The following NAGPA variants were observed in gnomAD, a reference collection of about 807,000 sequenced individuals.
The protein encoded by NAGPA is N-acetylglucosamine-1-phosphodiester alpha-N-acetylglucosaminidase.
A neutral mutation model predicts 48.5 loss-of-function variants in NAGPA; 56 were observed. The ratio of observed to expected loss-of-function variants is 1.15; its 90% CI spans 0.93 to 1.44. The LOEUF is 1.44. Among genes scored for constraint, NAGPA ranks in the 40% most tolerant of loss-of-function variants. NAGPA has a pLI of 0.00. For missense variants in NAGPA, 888 were observed against 735.0 expected (o/e 1.21, Z -2.41); for synonymous variants, 399 against 315.5 (o/e 1.26, Z -2.81).
intron 2 of NAGPA, chr16:5,032,976 A>G (rs1015066343): frequency 1.9e-6 from 1 of 531,026 alleles, no homozygotes; most frequent in African/African-American, 1.9e-5. Context: ...ATCAGAATGT[A>G]TGTTAGCTAT....
At position 5,031,882 on chromosome 16, in the gene NAGPA, T is replaced by C; in HGVS notation, c.545A>G (p.Tyr182Cys). Residue 182 changes from tyrosine (Y) to cysteine (C), a missense_variant and splice_region_variant, in exon 3 of 10, where the codon TAC becomes TGC. Tyr to Cys is a radical substitution (Grantham distance 194). Transcript: ENST00000312251. ...GTCCAGCACCTCCTCCTCAGACAGG[T>C]ACCTGGATCCGGGGAAGGTGGGAAG... Reference protein sequence around the residue: ...IRRDGTLVTGYLSEEEVLDTE... With the variant: ...IRRDGTLVTGCLSEEEVLDTE... 1 of 1,614,038 alleles carries C rather than the reference T, an allele frequency of 6.2e-7. No individual in the cohort carries two copies. The highest frequency in any genetic ancestry group is 8.5e-7 in the Non-Finnish European group (1 of 1,179,976).
At chr16:5,030,886 C>T in intron 3 of NAGPA, 2 of 311,288 alleles carry the variant, frequency 6.4e-6, no homozygotes, top group Non-Finnish European at 1.2e-5. Flanking sequence ...TAGCTTGCTC[C>T]TTTGTCAGAT....
Position 5,028,397 on chromosome 16 carries a change from G to T in NAGPA, c.921-212C>A, listed in dbSNP as rs1453355375. Reference sequence around the variant, plus strand: ...CCGTAAGGTGTGCACCATCACGCCTGCCTAATTTTTTTTTATTTTTTCATA... The same window carrying T: ...CCGTAAGGTGTGCACCATCACGCCTTCCTAATTTTTTTTTATTTTTTCATA... On this transcript the variant is annotated intron_variant, in intron 5 of 9. Transcript: ENST00000312251. 5 of 966,674 alleles carry T rather than the reference G, an allele frequency of 5.2e-6. No individual in the cohort carries two copies. In the South Asian group the frequency reaches 5.6e-5, roughly 11 times the overall value. 59.9% of individuals were successfully genotyped at this position (966,674 alleles called of 1,614,324 possible).
chr16:5,030,334 C>T lies in NAGPA; in HGVS notation c.791+51G>A, dbSNP rs1180450369. 4 of 1,501,336 alleles carry T rather than the reference C, an allele frequency of 2.7e-6. No homozygotes were observed. In the Admixed American group the frequency reaches 5.9e-5, roughly 22 times the overall value. The allele number at this position is 1,501,336 out of a possible 1,614,324, so 93.0% of individuals were successfully genotyped here. ...GGTGGCTGTCATTGGGTCAACGTTC[C>T]TCCTAGCAGGACTGAGCCCCGGCCG... is the stretch of plus-strand genomic sequence containing the variant. On this transcript the variant is annotated intron_variant, in intron 4 of 9. Coordinates refer to ENST00000312251, the MANE Select transcript of NAGPA (RefSeq NM_016256.4).
At chr16:5,029,220 T>A in intron 4 of NAGPA, 2 of 767,448 alleles carry the variant, frequency 2.6e-6, no homozygotes, top group Non-Finnish European at 4.2e-6. Flanking sequence ...TAGGAATCCT[T>A]AAGGGAGGGG....
chr16:5,027,793 G>T (rs2937112), intron 7 of NAGPA, 53 bp downstream of exon 7: 426,238 of 1,548,580 alleles, frequency 0.28, 68,390 homozygotes, highest in East Asian at 0.68. Flanking sequence ...GGAGCAGTGG[G>T]GGCTGCCGGG....
At chr16:5,031,226 C>T (rs1596666429) in intron 3 of NAGPA, 1 of 193,002 alleles carries the variant, frequency 5.2e-6, no homozygotes, top group South Asian at 9.8e-5. Flanking sequence ...TTAGCCACCA[C>T]ACCTAGCTTA....
chr16:5,030,823 C>G (rs545771096), intron 3 of NAGPA, among the ~76,000 whole-genome samples: 2 of 152,342 alleles, frequency 1.3e-5, no homozygotes, highest in Admixed American at 6.5e-5. Context: ...CCTCACCACC[C>G]TGCAGCCACT....
intron 2 of NAGPA, 122 bp from the exon 3 acceptor site, chr16:5,032,006 T>G (rs1596667744): frequency 1.5e-6 from 2 of 1,354,720 alleles, no homozygotes; most frequent in South Asian, 1.2e-5. Flanking sequence ...AGGAACCTCC[T>G]GGGGCCTGAG....
chr16:5,029,368 G>GA, intron 4 of NAGPA: 1 of 353,520 alleles, frequency 2.8e-6, no homozygotes, highest in Non-Finnish European at 5.5e-6. Flanking sequence ...ACAACTGGGG[G>GA]AGAGGACACA....
rs371974902 is a variant in NAGPA at position 5,025,302 on chromosome 16, C to T, written c.*176G>A. 2 of 733,642 alleles carry T rather than the reference C, an allele frequency of 2.7e-6. No homozygotes were observed. The highest frequency in any genetic ancestry group is 2.3e-5 in the Admixed American group (1 of 43,340). The allele number at this position is 733,642 out of a possible 1,614,324, so 45.4% of individuals were successfully genotyped here. ...ATGGTATTGCTAGGGTTGCAGGTGCCCTGGCAGGTGGCCAGGTGAGGGGCT... is the reference window on the plus strand; with the variant it reads ...ATGGTATTGCTAGGGTTGCAGGTGCTCTGGCAGGTGGCCAGGTGAGGGGCT... On this transcript the variant is annotated 3_prime_UTR_variant, in exon 10 of 10. Coordinates refer to ENST00000312251, the MANE Select transcript of NAGPA (RefSeq NM_016256.4).
rs549194195 is a variant in NAGPA at position 5,033,196 on chromosome 16, T to C, written c.542+77A>G. 225 of 1,504,568 alleles carry C rather than the reference T, an allele frequency of 1.5e-4. No individual in the cohort carries two copies. The highest frequency in any genetic ancestry group is 5.3e-4 in the Admixed American group (27 of 51,222). The allele number at this position is 1,504,568 out of a possible 1,614,324, so 93.2% of individuals were successfully genotyped here. A position where few individuals can be genotyped will look rare whatever the true frequency, so the allele number is the denominator to read the frequency against. On this transcript the variant is annotated intron_variant, in intron 2 of 9. Coordinates refer to ENST00000312251, the MANE Select transcript of NAGPA (RefSeq NM_016256.4). The surrounding 1 kb of genome is among the most constrained non-coding windows in gnomAD (Gnocchi z 4.2). ...CAGGGGCTCAGCTTGGTTAAGTGAC[T>C]TGAACACGGAGGCACGGCTACAACC...
chr16:5,028,582 C>T (rs12709122), intron 5 of NAGPA: 59,114 of 550,840 alleles, frequency 0.11, 3,783 homozygotes, highest in African/African-American at 0.18. Flanking sequence ...TCCCTCCCAG[C>T]CCTGGGCCTT....
At position 5,028,017 on chromosome 16, in the gene NAGPA, G is replaced by A. The variant is rs777715703; in HGVS notation, c.1089C>T (p.Gly363=). The A allele has an allele frequency of 6.2e-7, 1 of 1,613,842 alleles. No individual in the cohort carries two copies. Among genetic ancestry groups the A allele is most frequent in the Non-Finnish European group, 8.5e-7 (1 of 1,179,920 alleles). ...RGPGCDELDC[G]PSNCSQHGLC... ...GTCCGTGCTGGCTGCAGTTAGAGGG[G>A]CCACAGTCCAGCTCATCACAGCCGG... The change falls in exon 6 of 10, where the codon GGC becomes GGT. Residue 363 remains glycine (G), a synonymous_variant. Transcript: ENST00000312251.
rs149443233 is a variant in NAGPA at position 5,028,101 on chromosome 16, G to A, written c.1005C>T (p.His335=). 34 of 1,612,228 alleles carry A rather than the reference G, an allele frequency of 2.1e-5. No homozygotes were observed. The African/African-American group carries it at 3.2e-4, about 15-fold the overall frequency. The change falls in exon 6 of 10, where the codon CAC becomes CAT. Residue 335 remains histidine, a synonymous_variant. Transcript: ENST00000312251. The part of the protein sequence containing the change: ...HEPRCQPPDC[H]GHGTCVDGHC... ...GCCCGTCCACGCAGGTCCCGTGGCCGTGGCAGTCAGGCGGCTGGCAGCGGG... is the reference window on the plus strand; with the variant it reads ...GCCCGTCCACGCAGGTCCCGTGGCCATGGCAGTCAGGCGGCTGGCAGCGGG...
chr16:5,026,995 A>T (rs1018046096), intron 9 of NAGPA, 140 bp downstream of exon 9: 1 of 1,044,626 alleles, frequency 9.6e-7, no homozygotes, highest in Non-Finnish European at 1.4e-6. Flanking sequence ...CAAAGCAGAC[A>T]GTGGGGAGAG....
chr16:5,030,277 G>T lies in NAGPA; in HGVS notation c.791+108C>A. 2.9e-6 allele frequency: 3 copies of T among 1,031,958 alleles called. No homozygotes were observed. The Middle Eastern group carries it at 8.8e-4, about 301-fold the overall frequency. The allele number at this position is 1,031,958 out of a possible 1,614,324, so 63.9% of individuals were successfully genotyped here. ...GCCCTGGGAGGGGGGACAGATAGGT[G>T]TCAACATCCCAGAAAGCAGGTAGAG... On this transcript the variant is annotated intron_variant, in intron 4 of 9. Coordinates refer to ENST00000312251, the MANE Select transcript of NAGPA (RefSeq NM_016256.4).
At position 5,025,742 on chromosome 16, in the gene NAGPA, G is replaced by A. The variant is rs1172712566; in HGVS notation, c.1341-57C>T. 4 of 1,529,738 alleles carry A rather than the reference G, an allele frequency of 2.6e-6. No homozygotes were observed. In the African/African-American group the frequency reaches 5.5e-5, roughly 21 times the overall value. The allele number at this position is 1,529,738 out of a possible 1,614,324, so 94.8% of individuals were successfully genotyped here. ...ACTGCTGGGTGGGCTCAGGGCTTGGGTAGCACTGGAGGGGCTTCCCTCTAC... is the reference window on the plus strand; with the variant it reads ...ACTGCTGGGTGGGCTCAGGGCTTGGATAGCACTGGAGGGGCTTCCCTCTAC... On this transcript the variant is annotated intron_variant, in intron 9 of 9. Coordinates refer to ENST00000312251, the MANE Select transcript of NAGPA (RefSeq NM_016256.4).
rs762393819 is a variant in NAGPA, at chr16:5,025,557, G to A, written c.1469C>T (p.Pro490Leu). 1.4e-5 allele frequency: 22 copies of A among 1,613,542 alleles called. No individual in the cohort carries two copies. Among genetic ancestry groups the A allele is most frequent in the South Asian group, 4.4e-5 (4 of 91,070 alleles). Residue 490 changes from proline (P) to leucine (L), a missense_variant, in exon 10 of 10, where the codon CCG becomes CTG. Coordinates refer to ENST00000312251, the MANE Select transcript of NAGPA (RefSeq NM_016256.4). ...RRLHGDYAYHPLQEMNGEPLA... is the reference protein window; with the variant it reads ...RRLHGDYAYHLLQEMNGEPLA... ...AGGCTCCCCGTTCATCTCCTGCAGC[G>A]GGTGGTATGCATAGTCCCCATGCAG...
Sources: gnomAD v4.1 joint callset for allele counts (sites outside exome capture counted in the v4.1 genomes callset) on GRCh38, gnomAD v4.1.1 for gene constraint, Gnocchi (gnomAD v3.1) non-coding constraint, MANE v1.5 for transcripts, NCBI Gene and HGNC (gene_info 2026-07-23, HGNC 2026-07-21) for gene names.